Variants in HYDIN observed in about 807,000 individuals in gnomAD.
HYDIN encodes axonemal central pair apparatus protein HYDIN.
Under a neutral mutation model 403.9 loss-of-function variants are expected in HYDIN, and 132 were observed. The ratio of observed to expected loss-of-function variants is 0.33; its 90% CI spans 0.28 to 0.38. The LOEUF (loss-of-function observed/expected upper bound fraction) is 0.38, where lower values mean the gene tolerates loss of function less well. Among genes scored for constraint, HYDIN ranks in the 10% least tolerant of loss-of-function variants. The pLI is 1.00. For synonymous variants in HYDIN, 1,202 were observed against 1,891.7 expected (o/e 0.64, Z 9.46); for missense variants, 2,827 against 5,009.5 (o/e 0.56, Z 13.15).
intron 22 of HYDIN, among the ~76,000 whole-genome samples, chr16:71,018,749 G>C (rs1422044110): frequency 6.6e-6 from 1 of 152,302 alleles, no homozygotes; most frequent in East Asian, 1.9e-4. Context: ...ATTTTGATAA[G>C]TGTTGTGTGG....
Position 70,863,126 on chromosome 16 carries a change from T to A in HYDIN, c.11528A>T (p.Asp3843Val). Residue 3843 changes from aspartate to valine, a missense_variant, in exon 68 of 86, where the codon GAT (aspartate) becomes GTT (valine). Asp to Val is a radical substitution (Grantham distance 152). Coordinates refer to ENST00000393567, the MANE Select transcript of HYDIN (RefSeq NM_001270974.2). ...TGCAAAGCTGACTGCCTTTGAGGTA[T>A]CTTCTGAGACCCAGCTGAATTCCAG... ...VQLEFSWVSE[D>V]TSKAVSFAKP... 6.2e-7 allele frequency: 1 copy of A among 1,614,164 alleles called. No individual in the cohort carries two copies.
chr16:70,892,728 C>T (rs1402277558), intron 55 of HYDIN, among the ~76,000 whole-genome samples, 199 bp from the exon 56 acceptor site: 9 of 151,978 alleles, frequency 5.9e-5, no homozygotes, highest in South Asian at 2.1e-4. Context: ...TTGATGCTTA[C>T]GGCAAAGACA....
Position 70,850,508 on chromosome 16 carries a change from G to C in HYDIN, c.12591C>G (p.Asp4197Glu). 6.2e-7 allele frequency: 1 copy of C among 1,606,438 alleles called. No homozygotes were observed. The highest frequency in any genetic ancestry group is 8.5e-7 in the Non-Finnish European group (1 of 1,175,970). Residue 4197 changes from aspartate (D) to glutamate (E), a missense_variant, in exon 74 of 86, where the codon GAC (aspartate) becomes GAG (glutamate). Transcript: ENST00000393567. ...TCAACAGAGTGATGGAGCCTGTCCTGTCCTTGCACTTGATCTCCACATTCA... is the reference window on the plus strand; with the variant it reads ...TCAACAGAGTGATGGAGCCTGTCCTCTCCTTGCACTTGATCTCCACATTCA... ...YTMNVEIKCK[D>E]RTGSITLLTP...
At chr16:70,842,550 G>A (rs909697277) in intron 75 of HYDIN, among the ~76,000 whole-genome samples, 2 of 152,070 alleles carry the variant, frequency 1.3e-5, no homozygotes, top group Non-Finnish European at 2.9e-5. Flanking sequence ...CCTAGCTCTT[G>A]TTGGTTACTA....
chr16:70,918,698 A>AT (rs2076912271), intron 46 of HYDIN, among the ~76,000 whole-genome samples: 1 of 151,356 alleles, frequency 6.6e-6, no homozygotes, highest in African/African-American at 2.4e-5. Flanking sequence ...TTCCATGTTA[A>AT]TTTTTCTTTT....
chr16:71,023,263 T>A (rs113224489), intron 21 of HYDIN, among the ~76,000 whole-genome samples: 4,309 of 151,042 alleles, frequency 0.029, 175 homozygotes, highest in African/African-American at 0.098. Flanking sequence ...TGGGTTTCAG[T>A]GACGGGAAGC....
At chr16:70,957,244 G>A (rs1597410882) in intron 39 of HYDIN, among the ~76,000 whole-genome samples, 1 of 151,056 alleles carries the variant, frequency 6.6e-6, no homozygotes, top group East Asian at 2.0e-4. Flanking sequence ...TACAGTGTTT[G>A]TCCTTTTGTG....
intron 1 of HYDIN, among the ~76,000 whole-genome samples, chr16:71,210,178 C>T (rs1374980783): frequency 7.9e-5 from 12 of 152,110 alleles, no homozygotes; most frequent in Admixed American, 7.2e-4. Context: ...CAAAGGAATA[C>T]AAATCATTCT....
chr16:71,004,437 T>C (rs571374478), intron 23 of HYDIN, among the ~76,000 whole-genome samples: 6 of 152,292 alleles, frequency 3.9e-5, no homozygotes, highest in Admixed American at 1.3e-4. Context: ...ACATGAATAG[T>C]TGGTTCTACT....
At chr16:70,956,780 G>A (rs1289565203) in intron 39 of HYDIN, among the ~76,000 whole-genome samples, 1 of 152,014 alleles carries the variant, frequency 6.6e-6, no homozygotes, top group Non-Finnish European at 1.5e-5. Context: ...TTAGACTTCT[G>A]TCCTCCAGAC....
intron 10 of HYDIN, among the ~76,000 whole-genome samples, chr16:71,101,839 G>C (rs998215395): frequency 1.3e-4 from 19 of 151,960 alleles, no homozygotes; most frequent in African/African-American, 4.6e-4. Context: ...GCCACTCCTG[G>C]GGATATATCC....
chr16:71,043,321 A>T (rs1227641910), intron 18 of HYDIN, among the ~76,000 whole-genome samples: 1 of 150,516 alleles, frequency 6.6e-6, no homozygotes, highest in African/African-American at 2.4e-5. Flanking sequence ...CCTTCTCCGT[A>T]AATTCCTTTC....
chr16:70,916,553 C>T (rs2076845635), intron 47 of HYDIN, among the ~76,000 whole-genome samples: 1 of 152,122 alleles, frequency 6.6e-6, no homozygotes. Flanking sequence ...CTGTGGTTCC[C>T]TTCAGGTTTC....
In HYDIN at chr16:70,818,477, C is replaced by T; in HGVS notation, c.14523G>A (p.Val4841=). The change falls in exon 84 of 86, where the codon GTG becomes GTA. Residue 4841 remains valine, a synonymous_variant. Coordinates refer to ENST00000393567, the MANE Select transcript of HYDIN (RefSeq NM_001270974.2). ...PSGIIKTIEM[V]TPVRQVASAS... ...CTGACGCAACTTGCCGGACTGGGGT[C>T]ACCATCTCGATGGTTTTGATGATGC... The T allele has an allele frequency of 2.0e-6, 3 of 1,510,912 alleles. No homozygotes were observed. The highest frequency in any genetic ancestry group is 2.7e-6 in the Non-Finnish European group (3 of 1,099,750). 93.6% of individuals were successfully genotyped at this position (1,510,912 alleles called of 1,614,324 possible). A position where few individuals can be genotyped will look rare whatever the true frequency, so the allele number is the denominator to read the frequency against.
rs191539779 is a variant in HYDIN at position 70,943,924 on chromosome 16, C to G, written c.6557G>C (p.Gly2186Ala). ...PQISSSPLPP[G>A]PIHRWLSVSP... ...AACACTGAGCCAGCGGTGGATGGGC[C>G]CCGGGGGGAGAGGGCTGGAGGAAAT... Residue 2186 changes from glycine to alanine, a missense_variant, in exon 42 of 86, where the codon GGG (glycine) becomes GCG (alanine). By Grantham distance (60) the Gly-to-Ala change is moderately conservative. Transcript: ENST00000393567. 133 of 1,612,182 alleles carry G rather than the reference C, an allele frequency of 8.2e-5. 1 individual carries two copies. In the African/African-American group the frequency reaches 1.7e-3, roughly 20 times the overall value.
At chr16:71,057,466 T>C (rs1354911858) in intron 18 of HYDIN, among the ~76,000 whole-genome samples, 1 of 152,200 alleles carries the variant, frequency 6.6e-6, no homozygotes, top group Non-Finnish European at 1.5e-5. Context: ...GAAAATGCCA[T>C]TCCTTAAATT....
rs557553199 is a variant in HYDIN, at chr16:71,187,451, CAAAG to C, written c.-23-537_-23-534del. ...GAATAGCCACCCAATATCTCTGAAT[CAAAG>C]AAATATGGCATCTCCCTTTTGCATA... On this transcript the variant is annotated intron_variant, in intron 1 of 85. Coordinates refer to ENST00000393567, the MANE Select transcript of HYDIN (RefSeq NM_001270974.2). Among the ~76,000 whole-genome samples the C allele has an allele frequency of 1.2e-4, 19 of 152,240 alleles. No homozygotes were observed. In the South Asian group the frequency reaches 3.9e-3, roughly 32 times the overall value.
chr16:70,894,346 C>A lies in HYDIN; in HGVS notation c.9248+103G>T, dbSNP rs542173083. On this transcript the variant is annotated intron_variant, in intron 55 of 85. Coordinates refer to ENST00000393567, the MANE Select transcript of HYDIN (RefSeq NM_001270974.2). ...TTCCCCACGGTGGACTTGACGGCCG[C>A]AAACCCTATCGGATTCAGGTTACCT... 9 of 1,540,478 alleles carry A rather than the reference C, an allele frequency of 5.8e-6. No homozygotes were observed. In the South Asian group the frequency reaches 7.6e-5, roughly 13 times the overall value.
At chr16:71,056,762 A>C (rs1382354903) in intron 18 of HYDIN, among the ~76,000 whole-genome samples, 3 of 152,158 alleles carry the variant, frequency 2.0e-5, no homozygotes, top group Non-Finnish European at 4.4e-5. Flanking sequence ...TGGGGAATAA[A>C]CTATTAATTG....
Sources: allele counts gnomAD v4.1 joint callset (sites outside exome capture counted in the v4.1 genomes callset), GRCh38; gene constraint gnomAD v4.1.1; transcripts MANE v1.5; gene names NCBI Gene and HGNC (gene_info 2026-07-23, HGNC 2026-07-21).